LIN7A: variants seen among roughly 807,000 people sequenced by gnomAD.
LIN7A encodes the protein protein lin-7 homolog A.
A neutral mutation model predicts 29.8 loss-of-function variants in LIN7A; 25 were observed. The observed-to-expected ratio is 0.84, with a 90% CI of 0.61 to 1.17. The LOEUF (loss-of-function observed/expected upper bound fraction) is 1.17, where lower values mean the gene tolerates loss of function less well. Ranked by LOEUF, LIN7A falls within the 50% of genes most tolerant of loss-of-function variation. The probability of loss-of-function intolerance (pLI) is 0.00; values close to 1 mark genes in which losing one functional copy is unlikely to be tolerated. For synonymous variants in LIN7A, 118 were observed against 107.5 expected (o/e 1.10, Z -0.60); for missense variants, 239 against 287.0 (o/e 0.83, Z 1.21).
intron 1 of LIN7A, among the ~76,000 whole-genome samples, chr12:80,896,996 T>G (rs1242514712): frequency 6.6e-6 from 1 of 152,256 alleles, no homozygotes; most frequent in East Asian, 1.9e-4. Context: ...TGTTAAACAA[T>G]TGCTGTTATG....
At position 80,923,643 on chromosome 12, in the gene LIN7A, C is replaced by T. The variant is rs1048150333; in HGVS notation, c.82+13998G>A. Reference sequence around the variant, plus strand: ...CTTTTTTTCTCATACAACATACTCTCCTGGTGTGCCTTCTACCTGTCTGTT... The same window carrying T: ...CTTTTTTTCTCATACAACATACTCTTCTGGTGTGCCTTCTACCTGTCTGTT... On this transcript the variant is annotated intron_variant, in intron 1 of 5. Transcript: ENST00000552864. Among the ~76,000 whole-genome samples the T allele has an allele frequency of 1.4e-4, 21 of 152,112 alleles. 1 individual carries two copies. Among genetic ancestry groups the T allele is most frequent in the African/African-American group, 4.3e-4 (18 of 41,406 alleles).
At chr12:80,818,480 T>C (rs1203409538) in intron 4 of LIN7A, among the ~76,000 whole-genome samples, 1 of 152,208 alleles carries the variant, frequency 6.6e-6, no homozygotes, top group African/African-American at 2.4e-5. Flanking sequence ...GTCGAACAGA[T>C]CAACCTGAAA....
chr12:80,807,063 GTTTTTTTTTTTTTTT>G (rs71094991), intron 5 of LIN7A, among the ~76,000 whole-genome samples: 1 of 53,592 alleles, frequency 1.9e-5, no homozygotes, highest in Non-Finnish European at 3.5e-5. Flanking sequence ...TGAAGATGGA[GTTTTTTTTTTTTTTT>G]TTTTTTTTTT....
chr12:80,807,080 T>TTTTGTTTTTTG (rs1555221375), intron 5 of LIN7A, among the ~76,000 whole-genome samples: 1 of 134,686 alleles, frequency 7.4e-6, no homozygotes. Flanking sequence ...TTTTTTTTTT[T>TTTTGTTTTTTG]TTTTTTTTTT....
At chr12:80,826,202 G>A (rs1265904433) in intron 4 of LIN7A, among the ~76,000 whole-genome samples, 3 of 152,152 alleles carry the variant, frequency 2.0e-5, no homozygotes, top group Non-Finnish European at 4.4e-5. Context: ...TACACCCACA[G>A]AATATTCTTT....
intron 1 of LIN7A, among the ~76,000 whole-genome samples, chr12:80,898,996 G>A (rs1298903534): frequency 6.6e-6 from 1 of 151,976 alleles, no homozygotes; most frequent in Non-Finnish European, 1.5e-5. Context: ...TTTCCTCATT[G>A]CTCGGGCTAA....
At chr12:80,832,631 C>T (rs150498829) in intron 4 of LIN7A, 168 of 460,774 alleles carry the variant, frequency 3.6e-4, no homozygotes, top group African/African-American at 3.1e-3. Flanking sequence ...CTTATGATGG[C>T]TTATGGTAGC....
intron 4 of LIN7A, among the ~76,000 whole-genome samples, chr12:80,831,806 G>A (rs1406765206): frequency 6.6e-6 from 1 of 152,112 alleles, no homozygotes; most frequent in Non-Finnish European, 1.5e-5. Context: ...GCTATAACAT[G>A]GGCAATGATA....
chr12:80,904,472 A>G (rs1420159530), intron 1 of LIN7A, among the ~76,000 whole-genome samples: 3 of 152,142 alleles, frequency 2.0e-5, no homozygotes, highest in African/African-American at 7.2e-5. Context: ...TCTAGTAACT[A>G]CCATGATAGT....
rs1339190273 is a variant in LIN7A, at chr12:80,905,037, G to T, written c.83-15668C>A. 5.9e-5 allele frequency among the ~76,000 whole-genome samples: 9 copies of T among 152,164 alleles called. No individual in the cohort carries two copies. In the East Asian group the frequency reaches 1.2e-3, roughly 20 times the overall value. On this transcript the variant is annotated intron_variant, in intron 1 of 5. Transcript: ENST00000552864. Reference sequence around the variant, plus strand: ...TTTTTTCTTTATCGTTTGACTAGCTGAGTGTCTGTGTGTGTGTGTGTCTTT... The same window carrying T: ...TTTTTTCTTTATCGTTTGACTAGCTTAGTGTCTGTGTGTGTGTGTGTCTTT...
chr12:80,930,670 C>T (rs1486823158), intron 1 of LIN7A, among the ~76,000 whole-genome samples: 2 of 152,194 alleles, frequency 1.3e-5, no homozygotes, highest in Non-Finnish European at 2.9e-5. Flanking sequence ...ATGCAGACAA[C>T]TGAAACAGGG....
intron 2 of LIN7A, among the ~76,000 whole-genome samples, chr12:80,849,973 C>T (rs1439545203): frequency 6.6e-6 from 1 of 152,030 alleles, no homozygotes; most frequent in Non-Finnish European, 1.5e-5. Flanking sequence ...TGCCTGCATC[C>T]AAGGATGTTT....
At chr12:80,876,731 G>T (rs1874722259) in intron 2 of LIN7A, among the ~76,000 whole-genome samples, 3 of 152,158 alleles carry the variant, frequency 2.0e-5, no homozygotes, top group South Asian at 4.1e-4. Flanking sequence ...TCATATACAA[G>T]TGTTGGAGGT....
chr12:80,857,133 T>G (rs1287557520), intron 2 of LIN7A, among the ~76,000 whole-genome samples: 2 of 152,148 alleles, frequency 1.3e-5, no homozygotes, highest in African/African-American at 4.8e-5. Context: ...TCACGAGAAC[T>G]TAGGTGGGGG....
intron 1 of LIN7A, among the ~76,000 whole-genome samples, chr12:80,911,190 A>G (rs1876727116): frequency 6.6e-6 from 1 of 152,086 alleles, no homozygotes; most frequent in Admixed American, 6.6e-5. Context: ...TCAAAATTCA[A>G]TCTTTACATA....
chr12:80,870,513 GA>G (rs1211329598), intron 2 of LIN7A, among the ~76,000 whole-genome samples: 1 of 152,208 alleles, frequency 6.6e-6, no homozygotes, highest in Non-Finnish European at 1.5e-5. Flanking sequence ...AAGAGGAACA[GA>G]AGTGGGGAGC....
chr12:80,849,308 T>G (rs1223695473), intron 2 of LIN7A, among the ~76,000 whole-genome samples: 1 of 152,174 alleles, frequency 6.6e-6, no homozygotes, highest in Non-Finnish European at 1.5e-5. Context: ...CCAGATTATT[T>G]CCTTGGAAAT....
chr12:80,794,678 C>T lies in LIN7A; in HGVS notation c.*3049G>A, dbSNP rs1870365455. On this transcript the variant is annotated 3_prime_UTR_variant, in exon 6 of 6. Coordinates refer to ENST00000552864, the MANE Select transcript of LIN7A (RefSeq NM_004664.4). ...AAAAGCCTCTGCATGCTAGATTTTG[C>T]ATTTAGATCTAAGTATTGTCTTAAA... 1 of 152,140 alleles carries T rather than the reference C, an allele frequency of 6.6e-6. No individual in the cohort carries two copies. The highest frequency in any genetic ancestry group is 2.1e-4 in the South Asian group (1 of 4,834). 9.4% of individuals were successfully genotyped at this position (152,140 alleles called of 1,614,324 possible).
chr12:80,858,300 G>T (rs952761955), intron 2 of LIN7A, among the ~76,000 whole-genome samples: 6 of 152,046 alleles, frequency 3.9e-5, no homozygotes, highest in Non-Finnish European at 8.8e-5. Flanking sequence ...TAATTTTAAA[G>T]CTATGCTATT....
Sources: gnomAD v4.1 joint callset for allele counts (sites outside exome capture counted in the v4.1 genomes callset) on GRCh38, gnomAD v4.1.1 for gene constraint, MANE v1.5 for transcripts, NCBI Gene and HGNC (gene_info 2026-07-23, HGNC 2026-07-21) for gene names.